The following C12orf42 variants were observed in gnomAD, a reference collection of about 807,000 sequenced individuals.
C12orf42 encodes uncharacterized protein C12orf42.
C12orf42 carries 25 observed loss-of-function variants against 21.6 expected under a neutral mutation model. The ratio of observed to expected loss-of-function variants is 1.16; its 90% CI spans 0.84 to 1.62. C12orf42 has a LOEUF of 1.62. Among genes scored for constraint, C12orf42 ranks in the 40% most tolerant of loss-of-function variants. The pLI is 0.00. For missense variants in C12orf42, 483 were observed against 459.3 expected, an observed-to-expected ratio of 1.05 and a Z score of -0.47; for synonymous variants, 174 against 175.0, an observed-to-expected ratio of 0.99 and a Z score of 0.05.
the C12orf42 span, among the ~76,000 whole-genome samples, chr12:103,186,169 A>G: frequency 1.3e-5 from 2 of 152,212 alleles, no homozygotes; most frequent in Non-Finnish European, 2.9e-5. Context: ...AGTAGGATAT[A>G]GACTGTGGAA....
chr12:103,068,934 CATATATATAT>C, the C12orf42 span, among the ~76,000 whole-genome samples: 6,817 of 48,000 alleles, frequency 0.14, 842 homozygotes, highest in East Asian at 0.42. Flanking sequence ...TCTCTCTCCA[CATATATATAT>C]ATATATATAT....
the C12orf42 span, among the ~76,000 whole-genome samples, chr12:103,167,879 CGTGTGTGTGTGT>C: frequency 3.0e-5 from 4 of 134,100 alleles, no homozygotes; most frequent in Non-Finnish European, 4.7e-5. Flanking sequence ...GAGGGGTGGG[CGTGTGTGTGTGT>C]GTGTGTGTGT....
the C12orf42 span, among the ~76,000 whole-genome samples, chr12:103,187,683 A>G: frequency 6.6e-6 from 1 of 152,192 alleles, no homozygotes; most frequent in Non-Finnish European, 1.5e-5. Context: ...CTTGGAAGGT[A>G]ATAATGTCCT....
chr12:103,547,331 CA>C, the C12orf42 span, among the ~76,000 whole-genome samples: 3 of 152,242 alleles, frequency 2.0e-5, no homozygotes, highest in Non-Finnish European at 4.4e-5. Flanking sequence ...AGCTCAGATA[CA>C]GAACATTTCC....
At chr12:103,127,382 G>A in the C12orf42 span, among the ~76,000 whole-genome samples, 2 of 152,018 alleles carry the variant, frequency 1.3e-5, no homozygotes, top group Non-Finnish European at 2.9e-5. Context: ...AATTATTCAC[G>A]TGCTATTACC....
chr12:103,561,629 C>T, the C12orf42 span, among the ~76,000 whole-genome samples: 77,516 of 151,986 alleles, frequency 0.51, 21,301 homozygotes, highest in East Asian at 0.72. Context: ...ACGTATGAAT[C>T]TGGGGAGGAC....
chr12:103,248,423 C>T (rs1593204611), intron 10 of C12orf42, among the ~76,000 whole-genome samples: 2 of 151,956 alleles, frequency 1.3e-5, no homozygotes, highest in Admixed American at 6.6e-5. Context: ...TGTTCGGAGC[C>T]AACCAATAAT....
At chr12:103,125,353 T>C in the C12orf42 span, among the ~76,000 whole-genome samples, 1 of 152,162 alleles carries the variant, frequency 6.6e-6, no homozygotes, top group Non-Finnish European at 1.5e-5. Flanking sequence ...AAATTATCTA[T>C]GACCTCAGTC....
Position 103,425,585 on chromosome 12 carries a change from A to G in C12orf42, c.79-23910T>C, listed in dbSNP as rs180884308. Among the ~76,000 whole-genome samples the G allele has an allele frequency of 3.6e-3, 542 of 152,348 alleles. 6 individuals carry two copies. The highest frequency in any genetic ancestry group is 0.012 in the African/African-American group (507 of 41,580). On this transcript the variant is annotated intron_variant, in intron 2 of 5. Coordinates refer to ENST00000548883, the MANE Select transcript of C12orf42 (RefSeq NM_198521.5). Reference sequence around the variant, plus strand: ...CTCCAGCAAACTCCAGCAGACCTGCAGCAGAGGGGCCTGACTGTTAGAAGG... The same window carrying G: ...CTCCAGCAAACTCCAGCAGACCTGCGGCAGAGGGGCCTGACTGTTAGAAGG...
At chr12:103,183,327 G>A in the C12orf42 span, among the ~76,000 whole-genome samples, 3 of 152,172 alleles carry the variant, frequency 2.0e-5, no homozygotes, top group Non-Finnish European at 2.9e-5. Context: ...TGATCCACCC[G>A]CCTTGGCCTC....
chr12:103,311,659 A>C lies in C12orf42; in HGVS notation c.260-5314T>G, dbSNP rs78519069. ...CCATTCTAGATAGTGACAGAACTTG[A>C]GCCAAAATCCATAGCCCATGACTTA... On this transcript the variant is annotated intron_variant, in intron 4 of 5. Coordinates refer to ENST00000548883, the MANE Select transcript of C12orf42 (RefSeq NM_198521.5). Among the ~76,000 whole-genome samples the C allele has an allele frequency of 4.9e-3, 740 of 152,338 alleles. 42 individuals carry two copies. The East Asian group carries it at 0.12, about 25-fold the overall frequency.
the C12orf42 span, among the ~76,000 whole-genome samples, chr12:103,050,777 C>G: frequency 0.011 from 1,617 of 151,888 alleles, 12 homozygotes; most frequent in South Asian, 0.019. Flanking sequence ...ACATACCAAA[C>G]AATTAAAAAT....
At chr12:103,093,789 C>T in the C12orf42 span, among the ~76,000 whole-genome samples, 1 of 152,196 alleles carries the variant, frequency 6.6e-6, no homozygotes, top group Admixed American at 6.5e-5. Context: ...AATGGTTCTT[C>T]ATGGTAGCAT....
chr12:103,424,743 G>A (rs141439748), intron 2 of C12orf42, among the ~76,000 whole-genome samples: 31 of 152,322 alleles, frequency 2.0e-4, no homozygotes, highest in East Asian at 7.7e-4. Context: ...CTGGGCAGCC[G>A]TTTGGGCAAA....
At chr12:103,386,360 A>G (rs2046609476) in intron 3 of C12orf42, among the ~76,000 whole-genome samples, 1 of 145,604 alleles carries the variant, frequency 6.9e-6, no homozygotes, top group Non-Finnish European at 1.5e-5. Context: ...GGCAGTTCCA[A>G]CCTCTACTCC....
At chr12:103,531,750 AGGCCCTAGCAATATTT>A in the C12orf42 span, among the ~76,000 whole-genome samples, 14 of 152,328 alleles carry the variant, frequency 9.2e-5, no homozygotes, top group African/African-American at 3.4e-4. Flanking sequence ...TTAAAGACCA[AGGCCCTAGCAATATTT>A]CCAGATTGGT....
chr12:103,360,862 G>T (rs549447066), intron 4 of C12orf42, among the ~76,000 whole-genome samples: 2 of 152,236 alleles, frequency 1.3e-5, no homozygotes, highest in East Asian at 3.9e-4. Flanking sequence ...AAGGGCACAA[G>T]CTAAATAAGT....
intron 4 of C12orf42, among the ~76,000 whole-genome samples, chr12:103,336,143 C>T (rs564938010): frequency 1.3e-5 from 2 of 152,322 alleles, no homozygotes; most frequent in South Asian, 4.1e-4. Context: ...TTGTAGGTCA[C>T]AGTTGGAGAA....
At chr12:103,261,746 ATATCTTAACAT>A (rs1473598288) in intron 10 of C12orf42, among the ~76,000 whole-genome samples, 1 of 152,144 alleles carries the variant, frequency 6.6e-6, no homozygotes, top group African/African-American at 2.4e-5. Flanking sequence ...TGTTTCAGAA[ATATCTTAACAT>A]TGTATTTCTT....
Sources: gnomAD v4.1 joint callset for allele counts (sites outside exome capture counted in the v4.1 genomes callset) on GRCh38, gnomAD v4.1.1 for gene constraint, MANE v1.5 for transcripts, NCBI Gene and HGNC (gene_info 2026-07-23, HGNC 2026-07-21) for gene names.